Variants in KPNA7 observed in about 807,000 individuals in gnomAD.
The protein encoded by KPNA7 is importin subunit alpha-8.
KPNA7 carries 54 observed loss-of-function variants against 53.7 expected under a neutral mutation model. That is an observed-to-expected ratio of 1.01 (90% CI 0.81 to 1.26). The LOEUF is 1.26. Among genes scored for constraint, KPNA7 ranks in the 50% most tolerant of loss-of-function variants. KPNA7 has a pLI of 0.00. For missense variants in KPNA7, 640 were observed against 644.5 expected, an observed-to-expected ratio of 0.99 and a Z score of 0.07; for synonymous variants, 276 against 259.3, an observed-to-expected ratio of 1.06 and a Z score of -0.62.
chr7:99,188,074 C>T (rs1228109209), intron 7 of KPNA7, among the ~76,000 whole-genome samples: 1 of 146,500 alleles, frequency 6.8e-6, no homozygotes, highest in African/African-American at 2.5e-5. Context: ...ACCCAGGAGG[C>T]TGAGATAGGA....
chr7:99,198,072 A>G (rs1790320048), intron 3 of KPNA7, among the ~76,000 whole-genome samples: 1 of 152,200 alleles, frequency 6.6e-6, no homozygotes, highest in African/African-American at 2.4e-5. Context: ...CATTGAAACC[A>G]GCAAAAGAGA....
At chr7:99,213,468 C>G (rs955592854) in intron 1 of KPNA7, among the ~76,000 whole-genome samples, 27 of 130,904 alleles carry the variant, frequency 2.1e-4, no homozygotes, top group Admixed American at 4.9e-4. Flanking sequence ...GAGAGAGAGA[C>G]AGAGTCTCAT....
intron 2 of KPNA7, among the ~76,000 whole-genome samples, chr7:99,204,363 C>A (rs949951811): frequency 1.3e-5 from 2 of 151,316 alleles, no homozygotes; most frequent in Non-Finnish European, 2.9e-5. Flanking sequence ...TAGAGCAAGA[C>A]CCTGCCTCTA....
chr7:99,149,781 T>A, the KPNA7 span, among the ~76,000 whole-genome samples: 2 of 152,144 alleles, frequency 1.3e-5, no homozygotes, highest in Non-Finnish European at 2.9e-5. Flanking sequence ...CATCAAGTTG[T>A]TTTTTGTTGT....
intron 8 of KPNA7, among the ~76,000 whole-genome samples, chr7:99,183,946 A>G (rs1359520861): frequency 6.6e-6 from 1 of 151,992 alleles, no homozygotes; most frequent in African/African-American, 2.4e-5. Flanking sequence ...TCCCAGGTTC[A>G]AGTGATTCTC....
chr7:99,177,127 A>G (rs1373491096), intron 10 of KPNA7, among the ~76,000 whole-genome samples: 1 of 152,216 alleles, frequency 6.6e-6, no homozygotes, highest in Non-Finnish European at 1.5e-5. Flanking sequence ...CAGTCACAAA[A>G]GGACAAATAC....
intron 8 of KPNA7, among the ~76,000 whole-genome samples, chr7:99,183,252 CAAT>C (rs150596822): frequency 4.2e-4 from 63 of 151,758 alleles, no homozygotes; most frequent in African/African-American, 1.3e-3. Flanking sequence ...ACTCCATCTC[CAAT>C]AATAATAATA....
chr7:99,158,349 T>C, the KPNA7 span, among the ~76,000 whole-genome samples: 1 of 152,176 alleles, frequency 6.6e-6, no homozygotes, highest in African/African-American at 2.4e-5. Context: ...TCTATGTTTT[T>C]TTTCTCCACT....
At chr7:99,193,191 A>T in intron 5 of KPNA7, 90 bp from the exon 6 acceptor site, 1 of 750,486 alleles carries the variant, frequency 1.3e-6, no homozygotes, top group Non-Finnish European at 2.0e-6. Context: ...GCAAAGGGCA[A>T]GAGACAAAAA....
intron 8 of KPNA7, among the ~76,000 whole-genome samples, chr7:99,182,767 G>A (rs1184651393): frequency 6.6e-6 from 1 of 151,758 alleles, no homozygotes; most frequent in Non-Finnish European, 1.5e-5. Context: ...GGGAAAAAAT[G>A]AAACGGACAT....
At position 99,187,298 on chromosome 7, in the gene KPNA7, A is replaced by C. The variant is rs142047181; in HGVS notation, c.900+1002T>G. Among the ~76,000 whole-genome samples the C allele has an allele frequency of 1.0e-3, 152 of 152,244 alleles. 2 individuals are homozygous for C. In the East Asian group the frequency reaches 0.025, roughly 25 times the overall value. Reference sequence around the variant, plus strand: ...GAGAGACTCCGTCTCACACACAAAAAAAATAATAACCTAGAAAAGCAATTA... The same window carrying C: ...GAGAGACTCCGTCTCACACACAAAACAAATAATAACCTAGAAAAGCAATTA... On this transcript the variant is annotated intron_variant, in intron 7 of 10. Transcript: ENST00000327442.
At chr7:99,194,960 A>T in intron 5 of KPNA7, 110 bp downstream of exon 5, 1 of 1,295,284 alleles carries the variant, frequency 7.7e-7, no homozygotes, top group Non-Finnish European at 1.1e-6. Flanking sequence ...CTAGGTATTT[A>T]CATGGCAAAG....
In KPNA7 at chr7:99,196,894, T is replaced by C. The variant is rs749725956; in HGVS notation, c.202-728A>G. ...AAAGGCTTTTCCCTAAGAATGTTCA[T>C]TGAAAACAGAGGAAGTTGTTTAACT... On this transcript the variant is annotated intron_variant, in intron 3 of 10. Coordinates refer to ENST00000327442, the MANE Select transcript of KPNA7 (RefSeq NM_001145715.3). Among the ~76,000 whole-genome samples, 112 of 152,156 alleles carry C rather than the reference T, an allele frequency of 7.4e-4. 1 individual carries two copies. Among genetic ancestry groups the C allele is most frequent in the Non-Finnish European group, 1.8e-4 (12 of 68,030 alleles).
At chr7:99,188,600 A>C in intron 6 of KPNA7, 37 bp from the exon 7 acceptor site, 1 of 1,540,166 alleles carries the variant, frequency 6.5e-7, no homozygotes, top group South Asian at 1.2e-5. Context: ...TTGGGTGCAA[A>C]GGAGAGAAAA....
At chr7:99,183,538 AC>A (rs1339999928) in intron 8 of KPNA7, among the ~76,000 whole-genome samples, 2 of 152,200 alleles carry the variant, frequency 1.3e-5, no homozygotes. Context: ...GTGCAGGACC[AC>A]AAGTACTGAA....
At chr7:99,210,275 A>G (rs1791030886), upstream of KPNA7, among the ~76,000 whole-genome samples, 1 of 152,128 alleles carries the variant, frequency 6.6e-6, no homozygotes, top group South Asian at 2.1e-4. Flanking sequence ...CTCTTCATTC[A>G]GTCTCTGCTT....
chr7:99,208,826 CA>C (rs35626096), upstream of KPNA7, among the ~76,000 whole-genome samples: 9,273 of 152,236 alleles, frequency 0.061, 317 homozygotes, highest in South Asian at 0.15. Flanking sequence ...ACTGGGTCCT[CA>C]AATGAGGCAG....
At chr7:99,181,766 A>T (rs946370657) in intron 9 of KPNA7, 117 bp downstream of exon 9, 41 of 873,372 alleles carry the variant, frequency 4.7e-5, no homozygotes, top group Non-Finnish European at 6.7e-5. Flanking sequence ...TCCTGACCTC[A>T]GGTGATCCAC....
the KPNA7 span, among the ~76,000 whole-genome samples, chr7:99,159,707 T>C: frequency 6.6e-6 from 1 of 152,232 alleles, no homozygotes; most frequent in African/African-American, 2.4e-5. Context: ...AATATGATGA[T>C]TAAACCAAAA....
Sources: allele counts gnomAD v4.1 joint callset (sites outside exome capture counted in the v4.1 genomes callset), GRCh38; gene constraint gnomAD v4.1.1; transcripts MANE v1.5; gene names NCBI Gene and HGNC (gene_info 2026-07-23, HGNC 2026-07-21).